Variants in CYRIB observed in about 807,000 individuals in gnomAD.
CYRIB encodes CYFIP-related Rac1 interactor B.
Under a neutral mutation model 44.2 loss-of-function variants are expected in CYRIB, and 8 were observed. The ratio of observed to expected loss-of-function variants is 0.18; its 90% CI spans 0.11 to 0.33. CYRIB has a LOEUF of 0.33. CYRIB is among the 10% of genes least tolerant of loss of function. The pLI, the probability that CYRIB is intolerant of heterozygous loss-of-function variation, is 1.00. For synonymous variants in CYRIB, 131 were observed against 127.2 expected (o/e 1.03, Z -0.20); for missense variants, 185 against 382.8 (o/e 0.48, Z 4.31).
At position 129,884,812 on chromosome 8, in the gene CYRIB, A is replaced by C. The variant is rs958319942; in HGVS notation, c.-10-5341T>G. Among the ~76,000 whole-genome samples, 6 of 152,338 alleles carry C rather than the reference A, an allele frequency of 3.9e-5. No homozygotes were observed. In the East Asian group the frequency reaches 1.2e-3, roughly 29 times the overall value. On this transcript the variant is annotated intron_variant, in intron 2 of 11. Transcript: ENST00000519824. ...ATTTAACACAGATTTAATACACAGA[A>C]ACCAGACATGGTTTACCTCAGGAGT...
intron 1 of CYRIB, among the ~76,000 whole-genome samples, chr8:129,929,566 ATATAAT>A (rs1486116582): frequency 3.9e-5 from 6 of 152,250 alleles, no homozygotes; most frequent in African/African-American, 1.4e-4. Context: ...AAAACTTAGT[ATATAAT>A]TATGTTTACT....
chr8:129,977,689 G>A (rs923927204), intron 1 of CYRIB, among the ~76,000 whole-genome samples: 18 of 151,914 alleles, frequency 1.2e-4, no homozygotes, highest in African/African-American at 2.9e-4. Flanking sequence ...CCGCCACCAC[G>A]CCCGGCTAAT....
At chr8:129,922,857 C>T (rs1343577819) in intron 1 of CYRIB, among the ~76,000 whole-genome samples, 4 of 148,616 alleles carry the variant, frequency 2.7e-5, no homozygotes, top group Non-Finnish European at 4.5e-5. Flanking sequence ...AGTGAGACTC[C>T]GTCTCCAAAA....
chr8:129,984,578 G>A (rs1013860378), intron 1 of CYRIB, among the ~76,000 whole-genome samples: 11 of 152,050 alleles, frequency 7.2e-5, no homozygotes, highest in Admixed American at 2.0e-4. Context: ...CCCAGGATGC[G>A]GCCACTGCCC....
At chr8:129,987,868 G>A (rs902139481) in intron 1 of CYRIB, among the ~76,000 whole-genome samples, 6 of 152,164 alleles carry the variant, frequency 3.9e-5, no homozygotes, top group South Asian at 2.1e-4. Context: ...CATCGCGCCC[G>A]GCCCCACCGT....
At chr8:129,907,452 G>C (rs1026476096) in intron 1 of CYRIB, among the ~76,000 whole-genome samples, 1 of 152,036 alleles carries the variant, frequency 6.6e-6, no homozygotes, top group Non-Finnish European at 1.5e-5. Context: ...GTTATGGGGT[G>C]GGGGGAGGTG....
chr8:129,966,456 GAAGA>G (rs1013530631), intron 2 of CYRIB, among the ~76,000 whole-genome samples: 1 of 152,160 alleles, frequency 6.6e-6, no homozygotes, highest in African/African-American at 2.4e-5. Context: ...AAATACAAAA[GAAGA>G]AAGGCAGAGC....
At chr8:130,017,121 A>C (rs2134863090), upstream of CYRIB, 1 of 152,328 alleles carries the variant, frequency 6.6e-6, no homozygotes, top group East Asian at 1.9e-4. Flanking sequence ...GCAGATACTT[A>C]CTGGGCCTAC....
intron 1 of CYRIB, among the ~76,000 whole-genome samples, chr8:129,924,936 T>C (rs1403438353): frequency 6.6e-6 from 1 of 152,200 alleles, no homozygotes; most frequent in African/African-American, 2.4e-5. Flanking sequence ...GAAAGATCTT[T>C]AGTATAATCG....
intron 2 of CYRIB, among the ~76,000 whole-genome samples, chr8:129,898,309 T>G (rs1022307309): frequency 9.2e-5 from 14 of 152,106 alleles, no homozygotes; most frequent in Admixed American, 7.9e-4. Flanking sequence ...TAAGAAAAAT[T>G]TCAAGTGTTC....
chr8:129,975,695 C>G (rs1268988494), intron 1 of CYRIB, among the ~76,000 whole-genome samples: 2 of 152,186 alleles, frequency 1.3e-5, no homozygotes, highest in African/African-American at 4.8e-5. Context: ...TAATAGGAAA[C>G]AGACGAAGGA....
chr8:129,848,572 GCTGT>G (rs1312247167), intron 10 of CYRIB, among the ~76,000 whole-genome samples: 1 of 152,018 alleles, frequency 6.6e-6, no homozygotes, highest in Non-Finnish European at 1.5e-5. Context: ...CATCCTACTG[GCTGT>G]CTTTTTAATT....
At chr8:129,947,066 T>A (rs978177261) in intron 2 of CYRIB, among the ~76,000 whole-genome samples, 1 of 139,626 alleles carries the variant, frequency 7.2e-6, no homozygotes, top group African/African-American at 2.7e-5. Flanking sequence ...ATTTATTTAT[T>A]TTTTTTTTTG....
chr8:129,849,172 T>C lies in CYRIB; in HGVS notation c.840+71A>G, dbSNP rs1411088717. 6 of 1,443,878 alleles carry C rather than the reference T, an allele frequency of 4.2e-6. No individual in the cohort carries two copies. The East Asian group carries it at 1.2e-4, about 28-fold the overall frequency. 89.4% of individuals were successfully genotyped at this position (1,443,878 alleles called of 1,614,324 possible). A position where few individuals can be genotyped will look rare whatever the true frequency, so the allele number is the denominator to read the frequency against. ...TGAGAGTCCGGTTTGCTGGCTCTTATCATAAAATAAAATCCTATGGTTTCC... is the reference window on the plus strand; with the variant it reads ...TGAGAGTCCGGTTTGCTGGCTCTTACCATAAAATAAAATCCTATGGTTTCC... On this transcript the variant is annotated intron_variant, in intron 10 of 11. Transcript: ENST00000519824.
chr8:129,950,415 C>T (rs2094444950), intron 2 of CYRIB, among the ~76,000 whole-genome samples: 1 of 152,060 alleles, frequency 6.6e-6, no homozygotes, highest in African/African-American at 2.4e-5. Flanking sequence ...ACTAAAAATA[C>T]AAAAATTAGC....
chr8:129,945,176 T>G (rs1330725365), intron 2 of CYRIB, among the ~76,000 whole-genome samples: 1 of 152,246 alleles, frequency 6.6e-6, no homozygotes, highest in African/African-American at 2.4e-5. Context: ...GAAAAGAACC[T>G]GTCATCCATG....
intron 1 of CYRIB, among the ~76,000 whole-genome samples, chr8:130,000,110 G>C (rs1249736788): frequency 1.3e-5 from 2 of 152,160 alleles, no homozygotes; most frequent in African/African-American, 4.8e-5. Flanking sequence ...GCCCAGCTCA[G>C]CAAGTAGCTG....
In CYRIB at chr8:129,945,426, T is replaced by TTGTTG. The variant is rs543211394; in HGVS notation, c.-243+25516_-243+25517insCAACA. The stretch of plus-strand genomic sequence containing the variant: ...GAAAGCCTCAGTTTCCCCCACAAGT[T>TTGTTG]TGTTAACTCAGAGAAAACTTGTAAA... On this transcript the variant is annotated intron_variant, in intron 2 of 14. Transcript: ENST00000401979. Among the ~76,000 whole-genome samples the TTGTTG allele has an allele frequency of 4.6e-4, 70 of 152,304 alleles. No homozygotes were observed. In the South Asian group the frequency reaches 0.01, roughly 22 times the overall value.
chr8:129,879,810 C>G lies in CYRIB; in HGVS notation c.-10-339G>C, dbSNP rs141901052. The G allele has an allele frequency of 6.4e-4, 134 of 210,598 alleles. 2 individuals carry two copies. In the South Asian group the frequency reaches 9.5e-3, roughly 15 times the overall value. The allele number at this position is 210,598 out of a possible 1,614,324, so 13.0% of individuals were successfully genotyped here. A position where few individuals can be genotyped will look rare whatever the true frequency, so the allele number is the denominator to read the frequency against. On this transcript the variant is annotated intron_variant, in intron 2 of 11. Coordinates refer to ENST00000519824, the Ensembl canonical transcript of CYRIB. ...ATATTCTGAAAAAGAAATTTCTGAT[C>G]AAGAATTATTTACATGTAGTACTGT...
Sources: gnomAD v4.1 joint callset for allele counts (sites outside exome capture counted in the v4.1 genomes callset) on GRCh38, gnomAD v4.1.1 for gene constraint, MANE v1.5 for transcripts, NCBI Gene and HGNC (gene_info 2026-07-23, HGNC 2026-07-21) for gene names.